SLC40A1: variants seen among roughly 807,000 people sequenced by gnomAD.
SLC40A1 encodes ferroportin.
SLC40A1 carries 16 observed loss-of-function variants against 53.5 expected under a neutral mutation model. The observed-to-expected ratio is 0.30, with a 90% confidence interval of 0.20 to 0.45. The LOEUF (loss-of-function observed/expected upper bound fraction) is 0.45, where lower values mean the gene tolerates loss of function less well. Among genes scored for constraint, SLC40A1 ranks in the 20% least tolerant of loss-of-function variants. The pLI, the probability that SLC40A1 is intolerant of heterozygous loss-of-function variation, is 1.00. For missense variants in SLC40A1, 545 were observed against 695.4 expected (o/e 0.78, Z 2.43); for synonymous variants, 247 against 253.2 (o/e 0.98, Z 0.23).
intron 3 of SLC40A1, among the ~76,000 whole-genome samples, chr2:189,574,410 T>C (rs1159013414): frequency 3.9e-5 from 6 of 152,218 alleles, no homozygotes; most frequent in Non-Finnish European, 8.8e-5. Context: ...TGTTGCTCTG[T>C]GTCCAGAAGC....
Position 189,562,172 on chromosome 2 carries a change from T to TA in SLC40A1, c.1421dup (p.Leu474PhefsTer13). ...TTTCTTGCAGCAACTGTGTCACAGT[T>TA]AAATCAAAGGACCAAAGACCTATAA... is the stretch of plus-strand genomic sequence containing the variant. On this transcript the variant is annotated frameshift_variant, in exon 8 of 8. Coordinates refer to ENST00000261024, the MANE Select transcript of SLC40A1 (RefSeq NM_014585.6). LOFTEE classifies it high-confidence loss of function. 1 of 1,612,466 alleles carries TA rather than the reference T, an allele frequency of 6.2e-7. No individual in the cohort carries two copies. The highest frequency in any genetic ancestry group is 8.5e-7 in the Non-Finnish European group (1 of 1,178,820).
rs1445297842 is a variant in SLC40A1 at position 189,580,570 on chromosome 2, C to T, written c.-110G>A. On this transcript the variant is annotated 5_prime_UTR_variant, in exon 1 of 8. Coordinates refer to ENST00000261024, the MANE Select transcript of SLC40A1 (RefSeq NM_014585.6). ...GAACTGGAGATAGCACCTCTAAAAA[C>T]ACAACAGCCTTGGGCAAAAAGACTA... 4 of 1,595,660 alleles carry T rather than the reference C, an allele frequency of 2.5e-6. No homozygotes were observed. The East Asian group carries it at 6.7e-5, about 27-fold the overall frequency.
At chr2:189,562,655 C>T (rs534214541) in intron 7 of SLC40A1, among the ~76,000 whole-genome samples, 21 of 152,240 alleles carry the variant, frequency 1.4e-4, no homozygotes, top group African/African-American at 5.1e-4. Context: ...AAATTAATAT[C>T]TTCAATAAAC....
rs2030709727 is a variant in SLC40A1 at position 189,560,662 on chromosome 2, T to C, written c.*1216A>G. ...TACAACATAGCAAATCATTATGTCATACTGTAGAAAGATGAAGCAAAGGAT... is the reference window on the plus strand; with the variant it reads ...TACAACATAGCAAATCATTATGTCACACTGTAGAAAGATGAAGCAAAGGAT... On this transcript the variant is annotated 3_prime_UTR_variant, in exon 8 of 8. Transcript: ENST00000261024. 1 of 152,774 alleles carries C rather than the reference T, an allele frequency of 6.5e-6. No homozygotes were observed. Among genetic ancestry groups the C allele is most frequent in the Non-Finnish European group, 1.5e-5 (1 of 68,024 alleles). The allele number at this position is 152,774 out of a possible 1,614,324, so 9.5% of individuals were successfully genotyped here.
Position 189,564,201 on chromosome 2 carries a change from C to A in SLC40A1, c.785G>T (p.Gly262Val). Residue 262 changes from glycine (G) to valine (V), a missense_variant, in exon 7 of 8, where the codon GGA becomes GTA. Coordinates refer to ENST00000261024, the MANE Select transcript of SLC40A1 (RefSeq NM_014585.6). ...GTCTTTCACACCCATTAGATGAGTT[C>A]CCTCCAGGGGTTTTGGCTCAGTATC... ...HKDTEPKPLE[G>V]THLMGVKDSN... The A allele has an allele frequency of 6.2e-7, 1 of 1,613,998 alleles. No individual in the cohort carries two copies. Among genetic ancestry groups the A allele is most frequent in the Non-Finnish European group, 8.5e-7 (1 of 1,179,928 alleles).
chr2:189,561,628 G>A lies in SLC40A1; in HGVS notation c.*250C>T, dbSNP rs1574235757. 3 of 474,050 alleles carry A rather than the reference G, an allele frequency of 6.3e-6. No individual in the cohort carries two copies. In the East Asian group the frequency reaches 1.2e-4, roughly 18 times the overall value. 29.4% of individuals were successfully genotyped at this position (474,050 alleles called of 1,614,324 possible). On this transcript the variant is annotated 3_prime_UTR_variant, in exon 8 of 8. Transcript: ENST00000261024. ...TACTCATGAGAAATAGGGGAATTCA[G>A]TGTTATCATTATAGTCTCCGTATTT...
intron 5 of SLC40A1, among the ~76,000 whole-genome samples, chr2:189,567,973 T>A (rs748746756): frequency 5.3e-5 from 8 of 152,186 alleles, no homozygotes; most frequent in Non-Finnish European, 7.3e-5. Context: ...TATATTTGAA[T>A]CTTAAAGTCC....
Position 189,563,726 on chromosome 2 carries a change from A to G in SLC40A1, c.1260T>C (p.Pro420=). The G allele has an allele frequency of 1.9e-6, 3 of 1,614,196 alleles. No individual in the cohort carries two copies. Among genetic ancestry groups the G allele is most frequent in the Non-Finnish European group, 2.5e-6 (3 of 1,180,018 alleles). The change falls in exon 7 of 8, where the codon CCT becomes CCC. Residue 420 remains proline, a synonymous_variant. Coordinates refer to ENST00000261024, the MANE Select transcript of SLC40A1 (RefSeq NM_014585.6). ...SRFIQGESIT[P]TKIPEITTEI... ...CAGTTGTAATTTCAGGTATCTTGGTAGGTGTAATTGACTCTCCTTGAATGA... is the reference window on the plus strand; with the variant it reads ...CAGTTGTAATTTCAGGTATCTTGGTGGGTGTAATTGACTCTCCTTGAATGA...
In SLC40A1 at chr2:189,579,798, T is replaced by C. The variant is rs751329085; in HGVS notation, c.111+15A>G. 1 of 1,608,616 alleles carries C rather than the reference T, an allele frequency of 6.2e-7. No homozygotes were observed. The stretch of plus-strand genomic sequence containing the variant: ...ATTGCGCAACTGTGTTGTAAGACTA[T>C]GCATTCTCACTTACCCAAGTAGAGA... On this transcript the variant is annotated intron_variant, in intron 2 of 7. Coordinates refer to ENST00000261024, the MANE Select transcript of SLC40A1 (RefSeq NM_014585.6).
At chr2:189,577,845 G>A (rs942052533) in intron 2 of SLC40A1, among the ~76,000 whole-genome samples, 3 of 92,844 alleles carry the variant, frequency 3.2e-5, no homozygotes, top group African/African-American at 2.8e-5. Flanking sequence ...TCAGACTCCT[G>A]GGCTCAAGGA....
intron 7 of SLC40A1, among the ~76,000 whole-genome samples, chr2:189,562,688 A>G (rs1323454189): frequency 6.6e-6 from 1 of 152,182 alleles, no homozygotes; most frequent in Non-Finnish European, 1.5e-5. Flanking sequence ...TTGTATCACA[A>G]GATAAAAACA....
At chr2:189,566,137 G>T (rs1389509136) in intron 5 of SLC40A1, among the ~76,000 whole-genome samples, 1 of 152,128 alleles carries the variant, frequency 6.6e-6, no homozygotes, top group African/African-American at 2.4e-5. Flanking sequence ...GGCAGAGAGT[G>T]CCCAGGGGAA....
At position 189,563,593 on chromosome 2, in the gene SLC40A1, C is replaced by T; in HGVS notation, c.1393G>A (p.Ala465Thr). 1 of 1,613,636 alleles carries T rather than the reference C, an allele frequency of 6.2e-7. No homozygotes were observed. Among genetic ancestry groups the T allele is most frequent in the Non-Finnish European group, 8.5e-7 (1 of 1,179,844 alleles). ...VSLLFAGVIAARIGLWSFDLT... is the reference protein window; with the variant it reads ...VSLLFAGVIATRIGLWSFDLT... ...AAAAGAGATTTCTTACCGATTCTAGCAGCAATGACGCCTGCAAACAGCAGA... is the reference window on the plus strand; with the variant it reads ...AAAAGAGATTTCTTACCGATTCTAGTAGCAATGACGCCTGCAAACAGCAGA... Residue 465 changes from alanine (A) to threonine (T), a missense_variant, in exon 7 of 8, where the codon GCT becomes ACT. Ala to Thr is a moderately conservative substitution (Grantham distance 58). Transcript: ENST00000261024.
chr2:189,580,236 C>G (rs1342257538), intron 1 of SLC40A1, among the ~76,000 whole-genome samples, 182 bp downstream of exon 1: 2 of 152,164 alleles, frequency 1.3e-5, no homozygotes, highest in Admixed American at 1.3e-4. Context: ...TGTGTGCAAA[C>G]CCCTTTTCCC....
At position 189,572,880 on chromosome 2, in the gene SLC40A1, T is replaced by C. The variant is rs755671419; in HGVS notation, c.353A>G (p.His118Arg). The C allele has an allele frequency of 4.3e-6, 7 of 1,613,924 alleles. No homozygotes were observed. The African/African-American group carries it at 6.7e-5, about 15-fold the overall frequency. ...TCCATGGTACATGGTCAGAAGCTCA[T>C]GTTTATGTAAGAAAACCATCATCAG... is the stretch of plus-strand genomic sequence containing the variant. Reference protein sequence around the residue: ...IILMMVFLHKHELLTMYHGWV... With the variant: ...IILMMVFLHKRELLTMYHGWV... Residue 118 changes from histidine (H) to arginine (R), a missense_variant, in exon 4 of 8, where the codon CAT (histidine) becomes CGT (arginine). Around this residue, in one of 4 missense-constraint regions of SLC40A1, gnomAD observed 197 missense variants for 278.8 expected, o/e 0.71. Transcript: ENST00000261024.
intron 6 of SLC40A1, 118 bp downstream of exon 6, chr2:189,565,236 C>A: frequency 7.8e-7 from 1 of 1,276,784 alleles, no homozygotes; most frequent in Non-Finnish European, 1.1e-6. Context: ...ATATATTTAA[C>A]CTCATCTGGC....
In SLC40A1 at chr2:189,573,633, A is replaced by C. The variant is rs185589529; in HGVS notation, c.272-672T>G. Among the ~76,000 whole-genome samples, 192 of 152,306 alleles carry C rather than the reference A, an allele frequency of 1.3e-3. No individual in the cohort carries two copies. In the Middle Eastern group the frequency reaches 0.017, roughly 13 times the overall value. ...CAGTAGGCAGATGATCTAGGGCAGG[A>C]TACCTAACATCTCTTACGCCTGCGT... On this transcript the variant is annotated intron_variant, in intron 3 of 7. Transcript: ENST00000261024.
At position 189,564,056 on chromosome 2, in the gene SLC40A1, A is replaced by G; in HGVS notation, c.930T>C (p.Ala310=). 6.2e-7 allele frequency: 1 copy of G among 1,612,564 alleles called. No homozygotes were observed. The highest frequency in any genetic ancestry group is 8.5e-7 in the Non-Finnish European group (1 of 1,178,802). The change falls in exon 7 of 8, where the codon GCT becomes GCC. Residue 310 remains alanine, a synonymous_variant. Transcript: ENST00000261024. ...VSYYNQPVFL[A]GMGLAFLYMT... is the part of the protein sequence containing the mutation. The stretch of plus-strand genomic sequence containing the variant: ...TATAAAGGAAAGCAAGACCCATGCC[A>G]GCCAGAAACACAGGCTGGTTGTAGT...
rs104893662 is a variant in SLC40A1 at position 189,571,799 on chromosome 2, T to C, written c.430A>G (p.Asn144Asp). The C allele has an allele frequency of 6.2e-7, 1 of 1,612,800 alleles. No homozygotes were observed. ...ATTGCAGTAGCAGTACTGGCCAAAT[T>C]TGCAATATTTGCAATAGTGATGATC... ...ILIITIANIA[N>D]LASTATAITI... The change falls in exon 5 of 8, where the codon AAT (asparagine) becomes GAT (aspartate). Residue 144 changes from asparagine to aspartate, a missense_variant. Physicochemically the swap from Asn to Asp is conservative, Grantham distance 23 (BLOSUM62 1). Around this residue, in one of 4 missense-constraint regions of SLC40A1, gnomAD observed 197 missense variants for 278.8 expected, o/e 0.71. Coordinates refer to ENST00000261024, the MANE Select transcript of SLC40A1 (RefSeq NM_014585.6).
Sources: allele counts gnomAD v4.1 joint callset (sites outside exome capture counted in the v4.1 genomes callset), GRCh38; gene constraint gnomAD v4.1.1; regional missense constraint gnomAD v4.1.1; transcripts MANE v1.5; gene names NCBI Gene and HGNC (gene_info 2026-07-23, HGNC 2026-07-21).